The following ARHGAP21 variants were observed in gnomAD, a reference collection of about 807,000 sequenced individuals.
ARHGAP21 encodes the protein Rho GTPase activating protein 21.
In ARHGAP21, 38 loss-of-function variants were observed where a neutral mutation model predicts 164.6. The observed-to-expected ratio is 0.23, with a 90% CI of 0.18 to 0.30. The LOEUF is 0.30. ARHGAP21 is among the 10% of genes least tolerant of loss of function. The pLI is 1.00. For synonymous variants in ARHGAP21, 766 were observed against 857.9 expected (o/e 0.89, Z 1.87); for missense variants, 1,822 against 2,370.7 (o/e 0.77, Z 4.81).
At chr10:24,626,785 CCTGT>C (rs1014314055) in intron 7 of ARHGAP21, among the ~76,000 whole-genome samples, 9 of 152,018 alleles carry the variant, frequency 5.9e-5, no homozygotes, top group Admixed American at 6.6e-5. Context: ...TAAACACGAA[CCTGT>C]CTAAGATACC....
At chr10:24,637,714 C>T (rs1334262722) in intron 4 of ARHGAP21, among the ~76,000 whole-genome samples, 1 of 152,084 alleles carries the variant, frequency 6.6e-6, no homozygotes, top group Admixed American at 6.6e-5. Flanking sequence ...GAAATGACTA[C>T]CATTGTAAAG....
At chr10:24,696,823 C>T (rs902964964) in intron 2 of ARHGAP21, among the ~76,000 whole-genome samples, 4 of 152,196 alleles carry the variant, frequency 2.6e-5, no homozygotes, top group Non-Finnish European at 5.9e-5. Context: ...CAGCTAACAG[C>T]GACCCTCGGG....
intron 2 of ARHGAP21, among the ~76,000 whole-genome samples, chr10:24,698,406 C>T (rs1223399044): frequency 6.6e-6 from 1 of 152,100 alleles, no homozygotes; most frequent in Non-Finnish European, 1.5e-5. Context: ...GAGTACTTGC[C>T]TCTACTCTCA....
intron 2 of ARHGAP21, among the ~76,000 whole-genome samples, chr10:24,684,929 G>A (rs1017414486): frequency 3.3e-5 from 5 of 152,100 alleles, no homozygotes; most frequent in African/African-American, 1.2e-4. Context: ...GTGAGCCACC[G>A]CGCCCGGCCT....
chr10:24,711,093 C>CAAA (rs11304785), intron 2 of ARHGAP21, among the ~76,000 whole-genome samples: 1 of 43,558 alleles, frequency 2.3e-5, no homozygotes, highest in Non-Finnish European at 3.9e-5. Context: ...GACTCCATCT[C>CAAA]AAAAAAAAAA....
chr10:24,594,603 T>C (rs1054230603), intron 21 of ARHGAP21, among the ~76,000 whole-genome samples: 14 of 135,362 alleles, frequency 1.0e-4, no homozygotes, highest in African/African-American at 2.7e-4. Flanking sequence ...TATCTGTTTA[T>C]GTCTGTTTTC....
intron 2 of ARHGAP21, among the ~76,000 whole-genome samples, chr10:24,699,014 A>G (rs1843409304): frequency 6.6e-6 from 1 of 152,176 alleles, no homozygotes; most frequent in Non-Finnish European, 1.5e-5. Context: ...AAAAGCGCCT[A>G]AAACTCACAG....
At chr10:24,618,046 CT>C (rs11296128) in intron 9 of ARHGAP21, among the ~76,000 whole-genome samples, 75,595 of 151,836 alleles carry the variant, frequency 0.5, 19,019 homozygotes, top group Middle Eastern at 0.57. Flanking sequence ...GACCCTGTCT[CT>C]TATCACTTAC....
intron 11 of ARHGAP21, among the ~76,000 whole-genome samples, chr10:24,607,130 A>ATTTG (rs1351956535): frequency 6.6e-6 from 1 of 152,208 alleles, no homozygotes; most frequent in South Asian, 2.1e-4. Flanking sequence ...ACCATGTGTC[A>ATTTG]TTTGTTTGTA....
chr10:24,684,514 C>G (rs1421433731), intron 2 of ARHGAP21, among the ~76,000 whole-genome samples: 1 of 152,120 alleles, frequency 6.6e-6, no homozygotes, highest in African/African-American at 2.4e-5. Context: ...TAAATGATAT[C>G]TTAAATAACT....
In ARHGAP21 at chr10:24,607,551, T is replaced by C. The variant is rs1233049773; in HGVS notation, c.2632A>G (p.Arg878Gly). Residue 878 changes from arginine (R) to glycine (G), a missense_variant, in exon 11 of 26, where the codon AGA becomes GGA. By Grantham distance (125) the Arg-to-Gly change is moderately radical (BLOSUM62 -2). Around this residue, in one of 5 missense-constraint regions of ARHGAP21, gnomAD observed 1,090 missense variants for 1,378.9 expected, o/e 0.79. Transcript: ENST00000396432. ...AGACCCTCATCATATGATTTTGATC[T>C]TTCTGTCTTTGAGTTGGGCTGAGCA... ...LDAQPNSKTERSKSYDEGLDD... is the reference protein window; with the variant it reads ...LDAQPNSKTEGSKSYDEGLDD... The C allele has an allele frequency of 1.9e-6, 3 of 1,614,106 alleles. No individual in the cohort carries two copies. The highest frequency in any genetic ancestry group is 1.1e-5 in the South Asian group (1 of 91,074).
chr10:24,675,600 CA>C (rs2131833551), intron 2 of ARHGAP21, among the ~76,000 whole-genome samples: 1 of 152,076 alleles, frequency 6.6e-6, no homozygotes, highest in South Asian at 2.1e-4. Context: ...GACATTTAAA[CA>C]AAAGAAGCAG....
intron 11 of ARHGAP21, among the ~76,000 whole-genome samples, chr10:24,606,905 GATTAT>G (rs1269831703): frequency 1.3e-5 from 2 of 152,078 alleles, no homozygotes; most frequent in African/African-American, 4.8e-5. Context: ...TCCTGTTTTC[GATTAT>G]ATTTATTCAC....
intron 3 of ARHGAP21, among the ~76,000 whole-genome samples, chr10:24,668,880 T>TCC (rs1840441061): frequency 6.6e-6 from 1 of 152,178 alleles, no homozygotes; most frequent in Non-Finnish European, 1.5e-5. Flanking sequence ...ACTACCTATA[T>TCC]GTTCATCATG....
At chr10:24,637,866 A>AT (rs11358986) in intron 4 of ARHGAP21, among the ~76,000 whole-genome samples, 458 of 139,756 alleles carry the variant, frequency 3.3e-3, no homozygotes, top group East Asian at 5.6e-3. Context: ...TCTTGCTCAC[A>AT]TTTTTTTTTT....
intron 4 of ARHGAP21, among the ~76,000 whole-genome samples, chr10:24,656,357 CA>C (rs1838923176): frequency 1.1e-5 from 1 of 91,846 alleles, no homozygotes; most frequent in African/African-American, 4.8e-5. Context: ...TCAGCCCCCC[CA>C]CCCGGCCAGC....
At chr10:24,627,101 G>T (rs1364941862) in intron 7 of ARHGAP21, among the ~76,000 whole-genome samples, 1 of 152,126 alleles carries the variant, frequency 6.6e-6, no homozygotes, top group Non-Finnish European at 1.5e-5. Context: ...GGTGAGCAGA[G>T]CACTTCTAAA....
At chr10:24,714,672 A>G (rs1845178102) in intron 2 of ARHGAP21, among the ~76,000 whole-genome samples, 1 of 152,236 alleles carries the variant, frequency 6.6e-6, no homozygotes, top group Admixed American at 6.5e-5. Flanking sequence ...ATTAAATAAT[A>G]GAGTTATACC....
chr10:24,691,250 T>TGGTCCAGCTTTGAGTTGTTG (rs1271173713), intron 2 of ARHGAP21, among the ~76,000 whole-genome samples: 1 of 152,178 alleles, frequency 6.6e-6, no homozygotes, highest in Non-Finnish European at 1.5e-5. Context: ...ACATCAGAGT[T>TGGTCCAGCTTTGAGTTGTTG]GGTCCAGCTT....
Sources: allele counts gnomAD v4.1 joint callset (sites outside exome capture counted in the v4.1 genomes callset), GRCh38; gene constraint gnomAD v4.1.1; regional missense constraint gnomAD v4.1.1; transcripts MANE v1.5; gene names NCBI Gene and HGNC (gene_info 2026-07-23, HGNC 2026-07-21).